DCST2: variants seen among roughly 807,000 people sequenced by gnomAD.
DCST2 encodes the protein DC-STAMP domain containing 2, also known as DC-STAMP domain-containing protein 2.
DCST2 carries 64 observed loss-of-function variants against 81.8 expected under a neutral mutation model. The observed-to-expected ratio is 0.78, with a 90% CI of 0.64 to 0.96. The LOEUF (loss-of-function observed/expected upper bound fraction) is 0.96, where lower values mean the gene tolerates loss of function less well. DCST2 is among the 40% of genes least tolerant of loss of function. DCST2 has a pLI of 0.00. For missense variants in DCST2, 945 were observed against 1,001.4 expected, an observed-to-expected ratio of 0.94 and a Z score of 0.76; for synonymous variants, 354 against 402.6, an observed-to-expected ratio of 0.88 and a Z score of 1.44.
intron 6 of DCST2, 52 bp downstream of exon 6, chr1:155,030,380 T>C (rs1660037841): frequency 9.4e-6 from 15 of 1,601,692 alleles, no homozygotes; most frequent in Non-Finnish European, 1.1e-5. Context: ...CCTGCAGCCC[T>C]GGCCCTGCAC....
rs1571543726 is a variant in DCST2 at position 155,023,897 on chromosome 1, C to T, written c.1805G>A (p.Cys602Tyr). The T allele has an allele frequency of 6.2e-7, 1 of 1,613,694 alleles. No homozygotes were observed. The highest frequency in any genetic ancestry group is 8.5e-7 in the Non-Finnish European group (1 of 1,179,894). The change falls in exon 12 of 15, where the codon TGT (cysteine) becomes TAT (tyrosine). Residue 602 changes from cysteine to tyrosine, a missense_variant. Transcript: ENST00000368424. ...FWLHQAYCLG[C>Y]GQPQDEGDME... ...GTCTCCCTCATCCTGGGGCTGCCCA[C>T]AGCCCAGGCAGTAGGCCTGATGCAG... is the stretch of plus-strand genomic sequence containing the variant.
chr1:155,029,956 C>T (rs895374916), intron 7 of DCST2, 128 bp downstream of exon 7: 24 of 1,395,564 alleles, frequency 1.7e-5, no homozygotes, highest in Middle Eastern at 2.6e-4. Flanking sequence ...GTTGTGTCTC[C>T]TCCCTCTGGC....
chr1:155,023,494 T>C (rs201414383), intron 12 of DCST2, 37 bp from the exon 13 acceptor site: 1 of 1,557,194 alleles, frequency 6.4e-7, no homozygotes, highest in African/African-American at 1.4e-5. Flanking sequence ...TGAACCCGAG[T>C]TCACCCACCC....
chr1:155,023,096 C>CA, intron 14 of DCST2, 21 bp downstream of exon 14: 3 of 1,606,502 alleles, frequency 1.9e-6, no homozygotes, highest in Non-Finnish European at 2.5e-6. Context: ...TCCCAGGTGC[C>CA]AACTCCTGCT....
Position 155,032,689 on chromosome 1 carries a change from G to T in DCST2, c.519C>A (p.Ile173=). ...ADRVRKFFRS[I]MDGVKHIARA... ...TACCTATGTGTTTCACACCATCCAT[G>T]ATTGACCGAAAGAACTTGCGGACCC... is the stretch of plus-strand genomic sequence containing the variant. The change falls in exon 3 of 15, where the codon ATC becomes ATA. Residue 173 remains isoleucine, a synonymous_variant. Coordinates refer to ENST00000368424, the MANE Select transcript of DCST2 (RefSeq NM_144622.3). The T allele has an allele frequency of 1.2e-6, 2 of 1,614,042 alleles. No homozygotes were observed. Among genetic ancestry groups the T allele is most frequent in the South Asian group, 1.1e-5 (1 of 91,078 alleles).
In DCST2 at chr1:155,031,515, T is replaced by TGGCC; in HGVS notation, c.739+58_739+59insGGCC. The TGGCC allele has an allele frequency of 5.3e-4, 338 of 643,120 alleles. 2 individuals are homozygous for TGGCC. Among genetic ancestry groups the TGGCC allele is most frequent in the Non-Finnish European group, 9.0e-4 (309 of 343,052 alleles). The allele number at this position is 643,120 out of a possible 1,614,324, so 39.8% of individuals were successfully genotyped here. On this transcript the variant is annotated intron_variant, in intron 4 of 14. Coordinates refer to ENST00000368424, the MANE Select transcript of DCST2 (RefSeq NM_144622.3). The stretch of plus-strand genomic sequence containing the variant: ...CTGCCCTCCCAACTGACCCCCACAT[T>TGGCC]CCCACCCCACCCCACCCCACATCGG...
rs1660041048 is a variant in DCST2 at position 155,030,448 on chromosome 1, C to T, written c.1003G>A (p.Val335Met). The T allele has an allele frequency of 2.5e-6, 4 of 1,613,714 alleles. No homozygotes were observed. The highest frequency in any genetic ancestry group is 2.2e-5 in the South Asian group (2 of 91,064). Residue 335 changes from valine to methionine, a missense_variant, in exon 6 of 15, where the codon GTG becomes ATG. Transcript: ENST00000368424. ...GCCCCTCACTGGAGGTAGAGAAGCA[C>T]AAGCAGCAGAGGCGTGGTGAAGCCC... ...LMGFTTPLLL[V>M]LLYLQALFYR...
At position 155,030,110 on chromosome 1, in the gene DCST2, T is replaced by C. The variant is rs1259823990; in HGVS notation, c.1151A>G (p.His384Arg). The change falls in exon 7 of 15, where the codon CAC (histidine) becomes CGC (arginine). Residue 384 changes from histidine to arginine, a missense_variant. His to Arg is a conservative substitution (Grantham distance 29, BLOSUM62 0). Coordinates refer to ENST00000368424, the MANE Select transcript of DCST2 (RefSeq NM_144622.3). ...CGGTGGGATGTAGCGCCTGGCCTCG[T>C]GAGCACTGAGCGGTAGCACTGTGGG... ...GLPTVLPLSA[H>R]EARRYIPPGS... 2 of 1,613,886 alleles carry C rather than the reference T, an allele frequency of 1.2e-6. No individual in the cohort carries two copies. Among genetic ancestry groups the C allele is most frequent in the Admixed American group, 3.3e-5 (2 of 60,028 alleles).
In DCST2 at chr1:155,023,949, G is replaced by A; in HGVS notation, c.1753C>T (p.Leu585=). ...CAAAAGTGGCTGACAAATGGACCTA[G>A]GCAGGGGCACCTGAGAAAAGGGTCA... ...FLVLASRCPC[L]GPFVSHFWLH... is the part of the protein sequence containing the mutation. The change falls in exon 12 of 15, where the codon CTA becomes TTA. Residue 585 remains leucine (L), a synonymous_variant. Coordinates refer to ENST00000368424, the MANE Select transcript of DCST2 (RefSeq NM_144622.3). The A allele has an allele frequency of 6.2e-7, 1 of 1,613,014 alleles. No homozygotes were observed.
intron 7 of DCST2, among the ~76,000 whole-genome samples, 200 bp from the exon 8 acceptor site, chr1:155,029,597 A>AGG (rs1278593891): frequency 6.6e-6 from 1 of 152,110 alleles, no homozygotes; most frequent in Non-Finnish European, 1.5e-5. Flanking sequence ...GCTAGAAGGG[A>AGG]GGGGCCTGCC....
chr1:155,032,991 C>T (rs1271867675), intron 2 of DCST2, 103 bp downstream of exon 2: 10 of 1,333,998 alleles, frequency 7.5e-6, no homozygotes, highest in Admixed American at 5.4e-5. Context: ...AGATGCTCCG[C>T]GATTAGCACC....
chr1:155,023,444 G>A lies in DCST2; in HGVS notation c.1884C>T (p.Leu628=), dbSNP rs72702247. ...STPGCQGLYC[L]TCFRLLDNTC... ...TATTGTCCAGGAGGCGGAAGCAAGTGAGGCAGTAGAGACCTGGTGGAGGCC... is the reference window on the plus strand; with the variant it reads ...TATTGTCCAGGAGGCGGAAGCAAGTAAGGCAGTAGAGACCTGGTGGAGGCC... The change falls in exon 13 of 15, where the codon CTC becomes CTT. Residue 628 remains leucine (L), a synonymous_variant. Transcript: ENST00000368424. The A allele has an allele frequency of 9.7e-3, 15,434 of 1,596,276 alleles. 160 individuals are homozygous for A. The highest frequency in any genetic ancestry group is 0.032 in the Middle Eastern group (191 of 6,038).
rs1188822265 is a variant in DCST2, at chr1:155,033,616, C to A, written c.86G>T (p.Gly29Val). Residue 29 changes from glycine (G) to valine (V), a missense_variant, in exon 1 of 15, where the codon GGT becomes GTT. Gly to Val is a moderately radical substitution (Grantham distance 109). Coordinates refer to ENST00000368424, the MANE Select transcript of DCST2 (RefSeq NM_144622.3). Reference sequence around the variant, plus strand: ...GGCTAAAGACAAGCCCAGGGTAAAACCTCCCACGCTGCGAACCACAGCTCT... The same window carrying A: ...GGCTAAAGACAAGCCCAGGGTAAAAACTCCCACGCTGCGAACCACAGCTCT... ...MARAVVRSVG[G>V]FTLGLSLATA... is the part of the protein sequence containing the mutation. 1 of 1,614,200 alleles carries A rather than the reference C, an allele frequency of 6.2e-7. No homozygotes were observed. Among genetic ancestry groups the A allele is most frequent in the Admixed American group, 1.7e-5 (1 of 60,026 alleles).
chr1:155,021,323 G>A (rs1659750963), intron 14 of DCST2, among the ~76,000 whole-genome samples: 1 of 152,070 alleles, frequency 6.6e-6, no homozygotes, highest in South Asian at 2.1e-4. Flanking sequence ...TTTTAGTAGA[G>A]ATGGAGTTTT....
At position 155,030,762 on chromosome 1, in the gene DCST2, C is replaced by T; in HGVS notation, c.806-117G>A. ...GCGCAGCTTACAGACCAGCTGGGAA[C>T]CCCCCAGTGCTTGGGTCAAGGTGGA... is the stretch of plus-strand genomic sequence containing the variant. On this transcript the variant is annotated intron_variant, in intron 5 of 14. Coordinates refer to ENST00000368424, the MANE Select transcript of DCST2 (RefSeq NM_144622.3). 5.5e-6 allele frequency: 6 copies of T among 1,081,306 alleles called. No homozygotes were observed. The Admixed American group carries it at 7.1e-5, about 13-fold the overall frequency. 67.0% of individuals were successfully genotyped at this position (1,081,306 alleles called of 1,614,324 possible).
rs372351512 is a variant in DCST2, at chr1:155,018,578, G to C, written c.2288C>G (p.Ser763Cys). 3 of 1,613,616 alleles carry C rather than the reference G, an allele frequency of 1.9e-6. No individual in the cohort carries two copies. The highest frequency in any genetic ancestry group is 1.3e-5 in the African/African-American group (1 of 74,876). Residue 763 changes from serine to cysteine, a missense_variant, in exon 15 of 15, where the codon TCT becomes TGT. Transcript: ENST00000368424. ...GGGTGGGTGGGAAGGATCAGGAAGA[G>C]AGGGAGGTGAGAGAGGGACTGAGGG... is the stretch of plus-strand genomic sequence containing the variant. ...SEPSVPLSPP[S>C]LPDPSHPPPK
chr1:155,033,026 G>A (rs1008005457), intron 2 of DCST2, 68 bp downstream of exon 2: 1 of 1,456,974 alleles, frequency 6.9e-7, no homozygotes, highest in Non-Finnish European at 9.1e-7. Context: ...CCAAAGGACT[G>A]TAGAACATGC....
rs760624144 is a variant in DCST2 at position 155,024,453 on chromosome 1, G to A, written c.1742+19C>T. On this transcript the variant is annotated intron_variant, in intron 11 of 14. Transcript: ENST00000368424. ...TATCCCCTCTTGCCCCACCCCTATA[G>A]AAAAGACAGTGGCCTCACCGACTGG... is the stretch of plus-strand genomic sequence containing the variant. 1 of 1,585,858 alleles carries A rather than the reference G, an allele frequency of 6.3e-7. No individual in the cohort carries two copies. The highest frequency in any genetic ancestry group is 1.3e-5 in the African/African-American group (1 of 74,084).
Position 155,030,615 on chromosome 1 carries a change from T to A in DCST2, c.836A>T (p.Gln279Leu), listed in dbSNP as rs1342437704. 1 of 1,614,076 alleles carries A rather than the reference T, an allele frequency of 6.2e-7. No individual in the cohort carries two copies. The highest frequency in any genetic ancestry group is 1.7e-5 in the Admixed American group (1 of 60,016). Residue 279 changes from glutamine (Q) to leucine (L), a missense_variant, in exon 6 of 15, where the codon CAG becomes CTG. Coordinates refer to ENST00000368424, the MANE Select transcript of DCST2 (RefSeq NM_144622.3). ...PVIQLLNRVRQEFEFNMTATH... is the reference protein window; with the variant it reads ...PVIQLLNRVRLEFEFNMTATH... ...GGCTGTCATGTTGAACTCAAACTCC[T>A]GACGCACCCGGTTGAGCAACTGAAT...
Sources: gnomAD v4.1 joint callset for allele counts (sites outside exome capture counted in the v4.1 genomes callset) on GRCh38, gnomAD v4.1.1 for gene constraint, MANE v1.5 for transcripts, NCBI Gene and HGNC (gene_info 2026-07-23, HGNC 2026-07-21) for gene names.